Variants in ARHGAP24 observed in about 807,000 individuals in gnomAD.
ARHGAP24 encodes rho GTPase-activating protein 24.
ARHGAP24 carries 50 observed loss-of-function variants against 76.4 expected under a neutral mutation model. The ratio of observed to expected loss-of-function variants is 0.65; its 90% CI spans 0.52 to 0.83. ARHGAP24 has a LOEUF of 0.83. Among genes scored for constraint, ARHGAP24 ranks in the 40% least tolerant of loss-of-function variants. The pLI, the probability that ARHGAP24 is intolerant of heterozygous loss-of-function variation, is 0.00. For missense variants in ARHGAP24, 930 were observed against 914.2 expected, an observed-to-expected ratio of 1.02 and a Z score of -0.22; for synonymous variants, 345 against 323.3, an observed-to-expected ratio of 1.07 and a Z score of -0.72.
intron 3 of ARHGAP24, among the ~76,000 whole-genome samples, chr4:85,890,047 G>C (rs1337272470): frequency 6.6e-6 from 1 of 151,900 alleles, no homozygotes; most frequent in African/African-American, 2.4e-5. Context: ...CCATCATGCT[G>C]TCAGGGTTGT....
chr4:85,671,617 C>T (rs1322634326), intron 2 of ARHGAP24, among the ~76,000 whole-genome samples: 1 of 152,096 alleles, frequency 6.6e-6, no homozygotes, highest in African/African-American at 2.4e-5. Context: ...CACAGGCCTT[C>T]CATTTCTGTT....
intron 2 of ARHGAP24, among the ~76,000 whole-genome samples, chr4:85,574,878 T>C (rs761604555): frequency 6.6e-6 from 1 of 152,204 alleles, no homozygotes; most frequent in Non-Finnish European, 1.5e-5. Flanking sequence ...CACCTTGCCT[T>C]CCAAATATTC....
At chr4:85,837,890 C>G (rs936863044) in intron 3 of ARHGAP24, among the ~76,000 whole-genome samples, 14 of 152,062 alleles carry the variant, frequency 9.2e-5, no homozygotes, top group African/African-American at 3.4e-4. Context: ...GTTTAGATTC[C>G]TCGATCGGTA....
At chr4:85,865,317 A>G (rs1159692455) in intron 3 of ARHGAP24, among the ~76,000 whole-genome samples, 1 of 151,862 alleles carries the variant, frequency 6.6e-6, no homozygotes, top group African/African-American at 2.4e-5. Context: ...AGGTAAAATC[A>G]ATTGTTCTTG....
At chr4:85,700,882 G>T (rs1230730438) in intron 2 of ARHGAP24, among the ~76,000 whole-genome samples, 14 of 152,084 alleles carry the variant, frequency 9.2e-5, no homozygotes, top group Non-Finnish European at 2.1e-4. Context: ...GTATCTTCCA[G>T]CAGGCAAAAC....
intron 2 of ARHGAP24, among the ~76,000 whole-genome samples, chr4:85,619,479 CT>C (rs1362325577): frequency 1.3e-5 from 2 of 151,138 alleles, no homozygotes; most frequent in East Asian, 1.9e-4. Flanking sequence ...AATTTTAGGA[CT>C]TTTTTTCTAT....
At chr4:85,523,507 T>C (rs1025255768) in intron 1 of ARHGAP24, among the ~76,000 whole-genome samples, 1 of 152,172 alleles carries the variant, frequency 6.6e-6, no homozygotes, top group African/African-American at 2.4e-5. Context: ...CTTAAACAAA[T>C]ATAAATGTTT....
chr4:85,888,416 A>AG (rs1316662002), intron 3 of ARHGAP24, among the ~76,000 whole-genome samples: 2 of 150,886 alleles, frequency 1.3e-5, no homozygotes, highest in African/African-American at 4.9e-5. Context: ...AAAAAAAAAA[A>AG]AAGAAAGAAA....
intron 3 of ARHGAP24, among the ~76,000 whole-genome samples, chr4:85,807,704 A>G (rs1728851189): frequency 6.6e-6 from 1 of 152,168 alleles, no homozygotes; most frequent in Non-Finnish European, 1.5e-5. Flanking sequence ...CCACTAGGGT[A>G]TTTGGGCCTA....
chr4:85,988,511 T>C (rs904120287), intron 8 of ARHGAP24, among the ~76,000 whole-genome samples: 2 of 151,520 alleles, frequency 1.3e-5, no homozygotes, highest in African/African-American at 2.4e-5. Context: ...ATAAATTAAA[T>C]ATGAATGTTA....
intron 3 of ARHGAP24, among the ~76,000 whole-genome samples, chr4:85,725,577 A>G (rs575771516): frequency 6.6e-5 from 10 of 152,362 alleles, no homozygotes; most frequent in Middle Eastern, 3.4e-3. Flanking sequence ...GCTGGGGCAT[A>G]GCCCCTTCAC....
intron 3 of ARHGAP24, among the ~76,000 whole-genome samples, chr4:85,800,586 A>G (rs1377541297): frequency 6.7e-6 from 1 of 150,074 alleles, no homozygotes; most frequent in African/African-American, 2.4e-5. Flanking sequence ...AAGGAGGAAG[A>G]GAAAGAAGAA....
At chr4:85,858,658 G>A (rs1028591629) in intron 3 of ARHGAP24, among the ~76,000 whole-genome samples, 1 of 152,054 alleles carries the variant, frequency 6.6e-6, no homozygotes, top group African/African-American at 2.4e-5. Flanking sequence ...TGCCTCTGTA[G>A]ACAAGATGAT....
chr4:85,730,990 A>G, intron 3 of ARHGAP24, among the ~76,000 whole-genome samples: 1 of 94,180 alleles, frequency 1.1e-5, no homozygotes, highest in East Asian at 2.5e-4. Context: ...ATAACTGCAC[A>G]CACACACACA....
At chr4:85,533,201 G>A (rs1036767520) in intron 1 of ARHGAP24, among the ~76,000 whole-genome samples, 4 of 152,112 alleles carry the variant, frequency 2.6e-5, no homozygotes, top group Non-Finnish European at 5.9e-5. Context: ...CAAGGGAAAT[G>A]TTTCCTATCA....
At chr4:85,568,635 G>A (rs1446725608) in intron 1 of ARHGAP24, among the ~76,000 whole-genome samples, 1 of 152,114 alleles carries the variant, frequency 6.6e-6, no homozygotes, top group East Asian at 1.9e-4. Context: ...CATCAGGCAT[G>A]GTCCAGTCTG....
At chr4:85,810,938 G>T (rs535808480) in intron 3 of ARHGAP24, among the ~76,000 whole-genome samples, 3 of 152,174 alleles carry the variant, frequency 2.0e-5, no homozygotes, top group Non-Finnish European at 4.4e-5. Context: ...CTTGGTAGTT[G>T]TACTTTTCAT....
chr4:85,562,316 A>C (rs937094155), intron 1 of ARHGAP24, among the ~76,000 whole-genome samples: 1 of 152,228 alleles, frequency 6.6e-6, no homozygotes, highest in Non-Finnish European at 1.5e-5. Context: ...CTATGATAGT[A>C]ATCAAGGAAA....
intron 3 of ARHGAP24, among the ~76,000 whole-genome samples, chr4:85,890,034 T>C (rs966480747): frequency 1.3e-5 from 2 of 152,194 alleles, no homozygotes; most frequent in African/African-American, 2.4e-5. Context: ...TATAGTTTCC[T>C]TCCCATCATG....
Sources: allele counts gnomAD v4.1 joint callset (sites outside exome capture counted in the v4.1 genomes callset), GRCh38; gene constraint gnomAD v4.1.1; transcripts MANE v1.5; gene names NCBI Gene and HGNC (gene_info 2026-07-23, HGNC 2026-07-21).